The following OR52N4 variants were observed in gnomAD, a reference collection of about 807,000 sequenced individuals.
OR52N4 encodes the protein olfactory receptor 52N4.
OR52N4 carries 15 observed loss-of-function variants against 15.0 expected under a neutral mutation model. That is an observed-to-expected ratio of 1.00 (90% CI 0.67 to 1.54). The LOEUF (loss-of-function observed/expected upper bound fraction) is 1.54. Ranked by LOEUF, OR52N4 falls within the 40% of genes most tolerant of loss-of-function variation. The probability of loss-of-function intolerance (pLI) is 0.00; values close to 1 mark genes in which losing one functional copy is unlikely to be tolerated. For missense variants in OR52N4, 421 were observed against 394.0 expected (o/e 1.07, Z -0.58); for synonymous variants, 143 against 143.7 (o/e 1.00, Z 0.03).
At chr11:5,751,620 C>T (rs938254877), upstream of OR52N4, among the ~76,000 whole-genome samples, 6 of 151,932 alleles carry the variant, frequency 3.9e-5, no homozygotes, top group Non-Finnish European at 8.8e-5. Flanking sequence ...TAAAGTGTTT[C>T]GGGTGAGTCA....
At position 5,755,336 on chromosome 11, in the gene OR52N4, T is replaced by C. The variant is rs1311384657; in HGVS notation, c.596T>C (p.Ile199Thr). ...TGTGGTAATGTCAAGGTCAATGCCA[T>C]CTATGGTCTGATGGTTGCCCTCCTG... ...LSCGNVKVNA[I>T]YGLMVALLIW... is the part of the protein sequence containing the mutation. The change falls in exon 2 of 2, where the codon ATC (isoleucine) becomes ACC (threonine). Residue 199 changes from isoleucine to threonine, a missense_variant. Transcript: ENST00000641350. 1.2e-6 allele frequency: 2 copies of C among 1,613,974 alleles called. No homozygotes were observed. Among genetic ancestry groups the C allele is most frequent in the East Asian group, 2.2e-5 (1 of 44,862 alleles).
rs1201033933 is a variant in OR52N4, at chr11:5,755,425, A to T, written c.685A>T (p.Ser229Cys). The T allele has an allele frequency of 6.2e-7, 1 of 1,614,064 alleles. No individual in the cohort carries two copies. The highest frequency in any genetic ancestry group is 8.5e-7 in the Non-Finnish European group (1 of 1,179,968). The stretch of plus-strand genomic sequence containing the variant: ...TACCATGATTCTCCGGGCAGTGGTC[A>T]GCCTCTCCTCAGCAGATGCTCGGCA... ...SYTMILRAVV[S>C]LSSADARQKA... Residue 229 changes from serine to cysteine, a missense_variant, in exon 2 of 2, where the codon AGC (serine) becomes TGC (cysteine). Coordinates refer to ENST00000641350, the MANE Select transcript of OR52N4 (RefSeq NM_001005175.5).
chr11:5,742,654 A>C, the OR52N4 span, among the ~76,000 whole-genome samples: 1 of 152,220 alleles, frequency 6.6e-6, no homozygotes, highest in South Asian at 2.1e-4. Context: ...TTGTAAATGA[A>C]GGAGAAATAA....
At chr11:5,729,771 G>A in the OR52N4 span, among the ~76,000 whole-genome samples, 1 of 152,244 alleles carries the variant, frequency 6.6e-6, no homozygotes, top group East Asian at 1.9e-4. Context: ...ATATTACATT[G>A]ATTTCAATTC....
chr11:5,736,304 A>C, the OR52N4 span: 2 of 549,548 alleles, frequency 3.6e-6, no homozygotes, highest in East Asian at 6.0e-5. Context: ...TCTTCATTTA[A>C]AAAATCTAGT....
chr11:5,731,745 T>C, the OR52N4 span, among the ~76,000 whole-genome samples: 2 of 152,166 alleles, frequency 1.3e-5, no homozygotes, highest in African/African-American at 4.8e-5. Context: ...CCCTCCTTTT[T>C]TCAGCAACCA....
Position 5,755,906 on chromosome 11 carries a change from T to A in OR52N4, c.*200T>A. On this transcript the variant is annotated 3_prime_UTR_variant, in exon 2 of 2. Transcript: ENST00000641350. ...ACATTTCTATAAATTTTTTACCTTC[T>A]CACTCATGTGAAGGACCAGTCTAAT... 1 of 617,142 alleles carries A rather than the reference T, an allele frequency of 1.6e-6. No homozygotes were observed. The highest frequency in any genetic ancestry group is 2.7e-6 in the Non-Finnish European group (1 of 366,154). The allele number at this position is 617,142 out of a possible 1,614,324, so 38.2% of individuals were successfully genotyped here.
chr11:5,742,225 G>T, the OR52N4 span, among the ~76,000 whole-genome samples: 1 of 152,084 alleles, frequency 6.6e-6, no homozygotes, highest in African/African-American at 2.4e-5. Context: ...ATAGGTTTAT[G>T]TAAAATGATA....
the OR52N4 span, among the ~76,000 whole-genome samples, chr11:5,747,077 CAA>C: frequency 0.26 from 15,397 of 58,188 alleles, 1,428 homozygotes; most frequent in East Asian, 0.31. Context: ...GTAAAAATAC[CAA>C]AAAAAAAAAA....
At chr11:5,746,465 A>G in the OR52N4 span, among the ~76,000 whole-genome samples, 1 of 152,080 alleles carries the variant, frequency 6.6e-6, no homozygotes, top group Non-Finnish European at 1.5e-5. Flanking sequence ...CACAAATAAC[A>G]CCATTCCAAA....
In OR52N4 at chr11:5,754,675, T is replaced by G. The variant is rs1854258563; in HGVS notation, c.-48-18T>G. 1.4e-6 allele frequency: 2 copies of G among 1,437,652 alleles called. No individual in the cohort carries two copies. The highest frequency in any genetic ancestry group is 1.9e-6 in the Non-Finnish European group (2 of 1,074,594). The allele number at this position is 1,437,652 out of a possible 1,614,324, so 89.1% of individuals were successfully genotyped here. On this transcript the variant is annotated intron_variant, in intron 1 of 1. Coordinates refer to ENST00000641350, the MANE Select transcript of OR52N4 (RefSeq NM_001005175.5). ...AAAAATAACCTATATTTTCTCTTGT[T>G]TTTTTTTTTAACTCTAGGAAAGCCC...
the OR52N4 span, among the ~76,000 whole-genome samples, chr11:5,741,193 T>TTAACCTTATTC: frequency 5.3e-5 from 8 of 152,190 alleles, no homozygotes; most frequent in Non-Finnish European, 1.2e-4. Flanking sequence ...TAAGTTCCAG[T>TTAACCTTATTC]ATGATTACAG....
the OR52N4 span, among the ~76,000 whole-genome samples, chr11:5,739,846 C>A: frequency 7.8e-6 from 1 of 127,746 alleles, no homozygotes; most frequent in Non-Finnish European, 1.7e-5. Flanking sequence ...AGTAAGAGGA[C>A]GAGAGCTAGG....
At chr11:5,737,157 T>C in the OR52N4 span, 2 of 1,614,032 alleles carry the variant, frequency 1.2e-6, no homozygotes, top group East Asian at 4.5e-5. Context: ...CTGGCATGGC[T>C]TGGAATGGGG....
chr11:5,732,025 T>C, the OR52N4 span, among the ~76,000 whole-genome samples: 76 of 147,754 alleles, frequency 5.1e-4, no homozygotes, highest in Admixed American at 4.5e-3. Context: ...CATAAAGTTA[T>C]TTTTTTTGCA....
At chr11:5,737,275 T>C in the OR52N4 span, 2 of 1,614,122 alleles carry the variant, frequency 1.2e-6, no homozygotes, top group South Asian at 2.2e-5. Flanking sequence ...GTAGTTCACA[T>C]CTCACCCTCA....
chr11:5,750,038 T>C (rs1202605852), upstream of OR52N4, among the ~76,000 whole-genome samples: 2 of 151,998 alleles, frequency 1.3e-5, no homozygotes, highest in Non-Finnish European at 2.9e-5. Flanking sequence ...ACCTAAATTG[T>C]TGTGTAAGCA....
At chr11:5,726,508 TCTC>T in the OR52N4 span, 3 of 146,684 alleles carry the variant, frequency 2.0e-5, no homozygotes, top group African/African-American at 5.1e-5. Context: ...CAACATGGAA[TCTC>T]CTCATCACAC....
chr11:5,746,518 A>C, the OR52N4 span, among the ~76,000 whole-genome samples: 2 of 152,202 alleles, frequency 1.3e-5, no homozygotes, highest in Non-Finnish European at 2.9e-5. Context: ...CTTTCTTTTC[A>C]AAAGAAAATA....
Sources: gnomAD v4.1 joint callset for allele counts (sites outside exome capture counted in the v4.1 genomes callset) on GRCh38, gnomAD v4.1.1 for gene constraint, MANE v1.5 for transcripts, NCBI Gene and HGNC (gene_info 2026-07-23, HGNC 2026-07-21) for gene names.